Variants in SIX2 observed in about 807,000 individuals in gnomAD.
The protein encoded by SIX2 is SIX homeobox 2.
In SIX2, 20 loss-of-function variants were observed where a neutral mutation model predicts 22.8. The observed-to-expected ratio is 0.88, with a 90% confidence interval of 0.62 to 1.28. The LOEUF (loss-of-function observed/expected upper bound fraction) is 1.28, where lower values mean the gene tolerates loss of function less well. Among genes scored for constraint, SIX2 ranks in the 50% most tolerant of loss-of-function variants. SIX2 has a pLI of 0.00. For synonymous variants in SIX2, 195 were observed against 186.4 expected, an observed-to-expected ratio of 1.05 and a Z score of -0.37; for missense variants, 360 against 400.0, an observed-to-expected ratio of 0.90 and a Z score of 0.85.
rs938159059 is a variant in SIX2, at chr2:45,006,356, T to G, written c.690A>C (p.Ala230=). The G allele has an allele frequency of 6.2e-7, 1 of 1,614,122 alleles. No homozygotes were observed. Among genetic ancestry groups the G allele is most frequent in the Non-Finnish European group, 8.5e-7 (1 of 1,180,002 alleles). The change falls in exon 2 of 2, where the codon GCA becomes GCC. Residue 230 remains alanine (A), a synonymous_variant. Coordinates refer to ENST00000303077, the MANE Select transcript of SIX2 (RefSeq NM_016932.5). This position sits in a 1 kb window ranked among gnomAD's most constrained non-coding sequence, Gnocchi z 4.2. ...GTPDHSSSSP[A]LLLSPPPPGL... is the part of the protein sequence containing the mutation. ...CAGGGGGCGGCGGGCTGAGGAGCAG[T>G]GCGGGGCTGGATGATGAGTGGTCTG...
intron 1 of SIX2, among the ~76,000 whole-genome samples, chr2:45,008,316 G>C (rs1454728631): frequency 6.6e-6 from 1 of 152,258 alleles, no homozygotes; most frequent in Admixed American, 6.5e-5. Context: ...TCTAGCGACC[G>C]AGTAGTTAGT....
rs2103709989 is a variant in SIX2 at position 45,005,367 on chromosome 2, G to C, written c.*803C>G. 6.6e-6 allele frequency: 1 copy of C among 151,756 alleles called. No homozygotes were observed. The highest frequency in any genetic ancestry group is 1.9e-4 in the East Asian group (1 of 5,136). 9.4% of individuals were successfully genotyped at this position (151,756 alleles called of 1,614,324 possible). On this transcript the variant is annotated 3_prime_UTR_variant, in exon 2 of 2. Coordinates refer to ENST00000303077, the MANE Select transcript of SIX2 (RefSeq NM_016932.5). Reference sequence around the variant, plus strand: ...CGGGAGGAAGAGCGCGGTGTGGCGGGGCCTCGCCAAGAGAGAAGGAGGAGG... The same window carrying C: ...CGGGAGGAAGAGCGCGGTGTGGCGGCGCCTCGCCAAGAGAGAAGGAGGAGG...
Position 45,006,355 on chromosome 2 carries a change from G to C in SIX2, c.691C>G (p.Leu231Val), listed in dbSNP as rs757871683. 4 of 1,614,194 alleles carry C rather than the reference G, an allele frequency of 2.5e-6. No individual in the cohort carries two copies. Among genetic ancestry groups the C allele is most frequent in the Non-Finnish European group, 3.4e-6 (4 of 1,180,024 alleles). The change falls in exon 2 of 2, where the codon CTG becomes GTG. Residue 231 changes from leucine (L) to valine (V), a missense_variant. This residue lies in a region of SIX2 where 235 missense variants were observed against 231.9 expected (regional missense o/e 1.01). Coordinates refer to ENST00000303077, the MANE Select transcript of SIX2 (RefSeq NM_016932.5). This position sits in a 1 kb window ranked among gnomAD's most constrained non-coding sequence, Gnocchi z 4.2. ...CCAGGGGGCGGCGGGCTGAGGAGCAGTGCGGGGCTGGATGATGAGTGGTCT... is the reference window on the plus strand; with the variant it reads ...CCAGGGGGCGGCGGGCTGAGGAGCACTGCGGGGCTGGATGATGAGTGGTCT... ...TPDHSSSSPA[L>V]LLSPPPPGLP...
chr2:45,008,556 C>T lies in SIX2; in HGVS notation c.555G>A (p.Lys185=). The T allele has an allele frequency of 1.2e-6, 2 of 1,613,698 alleles. No individual in the cohort carries two copies. Among genetic ancestry groups the T allele is most frequent in the South Asian group, 2.2e-5 (2 of 91,088 alleles). The change falls in exon 1 of 2, where the codon AAG becomes AAA. Residue 185 remains lysine, a synonymous_variant. Transcript: ENST00000303077. ...RRQRDRAAEA[K]ERENNENSNS... Reference sequence around the variant, plus strand: ...GAAGGTCTACTTACTCGTACCTTTCCTTGGCCTCGGCCGCCCGGTCGCGCT... The same window carrying T: ...GAAGGTCTACTTACTCGTACCTTTCTTTGGCCTCGGCCGCCCGGTCGCGCT...
rs1374297673 is a variant in SIX2 at position 45,005,383 on chromosome 2, AAGGAGGAGGGGCGTATGACG to A, written c.*767_*786del. On this transcript the variant is annotated 3_prime_UTR_variant, in exon 2 of 2. Transcript: ENST00000303077. ...GTGTGGCGGGGCCTCGCCAAGAGAG[AAGGAGGAGGGGCGTATGACG>A]AGGCGGCGTTTAGGGGCTTCTGTGG... 1 of 149,904 alleles carries A rather than the reference AAGGAGGAGGGGCGTATGACG, an allele frequency of 6.7e-6. No individual in the cohort carries two copies. Among genetic ancestry groups the A allele is most frequent in the Non-Finnish European group, 1.5e-5 (1 of 67,340 alleles). 9.3% of individuals were successfully genotyped at this position (149,904 alleles called of 1,614,324 possible). A position where few individuals can be genotyped will look rare whatever the true frequency, so the allele number is the denominator to read the frequency against.
At position 45,005,293 on chromosome 2, in the gene SIX2, TC is replaced by T. The variant is rs1284764801; in HGVS notation, c.*876del. 6.6e-6 allele frequency: 1 copy of T among 152,202 alleles called. No homozygotes were observed. The highest frequency in any genetic ancestry group is 1.5e-5 in the Non-Finnish European group (1 of 68,020). 9.4% of individuals were successfully genotyped at this position (152,202 alleles called of 1,614,324 possible). A position where few individuals can be genotyped will look rare whatever the true frequency, so the allele number is the denominator to read the frequency against. ...GAGGGCATTACGGGGAGACGGCAAG[TC>T]GGCGGCTCGGGGGGCGCGCTCAGCC... is the stretch of plus-strand genomic sequence containing the variant. On this transcript the variant is annotated 3_prime_UTR_variant, in exon 2 of 2. Coordinates refer to ENST00000303077, the MANE Select transcript of SIX2 (RefSeq NM_016932.5).
chr2:45,007,939 G>A (rs1345681511), intron 1 of SIX2, among the ~76,000 whole-genome samples: 2 of 152,202 alleles, frequency 1.3e-5, no homozygotes, highest in East Asian at 1.9e-4. Flanking sequence ...GCAGAAAACA[G>A]GGCATGCGTC....
intron 1 of SIX2, among the ~76,000 whole-genome samples, chr2:45,007,496 C>A (rs758029399): frequency 3.7e-4 from 56 of 152,276 alleles, no homozygotes; most frequent in African/African-American, 1.3e-3. Context: ...GACCTCACCA[C>A]TGTGGAAACT....
At position 45,009,020 on chromosome 2, in the gene SIX2, C is replaced by T. The variant is rs1445356095; in HGVS notation, c.91G>A (p.Gly31Ser). 8 of 1,610,700 alleles carry T rather than the reference C, an allele frequency of 5.0e-6. No homozygotes were observed. The highest frequency in any genetic ancestry group is 5.9e-6 in the Non-Finnish European group (7 of 1,179,732). Reference sequence around the variant, plus strand: ...GCGGGCAGCGACCACAGGAAGCGGCCCAGCCGCTCGATGTTGCCGCCCTGC... The same window carrying T: ...GCGGGCAGCGACCACAGGAAGCGGCTCAGCCGCTCGATGTTGCCGCCCTGC... ...LQQGGNIERL[G>S]RFLWSLPACE... Residue 31 changes from glycine (G) to serine (S), a missense_variant, in exon 1 of 2, where the codon GGC becomes AGC. Physicochemically the swap from Gly to Ser is moderately conservative, Grantham distance 56 (BLOSUM62 0). This residue lies in a region of SIX2 where 118 missense variants were observed against 135.1 expected (regional missense o/e 0.87). Transcript: ENST00000303077.
In SIX2 at chr2:45,006,611, G is replaced by T; in HGVS notation, c.561-126C>A. 1 of 923,692 alleles carries T rather than the reference G, an allele frequency of 1.1e-6. No homozygotes were observed. Among genetic ancestry groups the T allele is most frequent in the Non-Finnish European group, 1.7e-6 (1 of 573,582 alleles). The allele number at this position is 923,692 out of a possible 1,614,324, so 57.2% of individuals were successfully genotyped here. A position where few individuals can be genotyped will look rare whatever the true frequency, so the allele number is the denominator to read the frequency against. ...GATCCCGGGCTTGTGGCCTGCGGGT[G>T]TTTTCGGTTTCTACCATTTCCTCGA... On this transcript the variant is annotated intron_variant, in intron 1 of 1. Coordinates refer to ENST00000303077, the MANE Select transcript of SIX2 (RefSeq NM_016932.5). The surrounding 1 kb of genome is among the most constrained non-coding windows in gnomAD (Gnocchi z 4.2).
At position 45,009,428 on chromosome 2, in the gene SIX2, C is replaced by G. The variant is rs911613497; in HGVS notation, c.-318G>C. The G allele has an allele frequency of 2.5e-5, 4 of 161,494 alleles. No homozygotes were observed. The highest frequency in any genetic ancestry group is 5.4e-5 in the Non-Finnish European group (4 of 73,976). 10.0% of individuals were successfully genotyped at this position (161,494 alleles called of 1,614,324 possible). On this transcript the variant is annotated 5_prime_UTR_variant, in exon 1 of 2. Coordinates refer to ENST00000303077, the MANE Select transcript of SIX2 (RefSeq NM_016932.5). ...CTCGCTTCTCACTCGTTCTCCCTCC[C>G]GTCTAGCTGGCTCTCAGCTTTCTTA...
intron 1 of SIX2, among the ~76,000 whole-genome samples, chr2:45,007,899 T>G (rs1375287400): frequency 2.6e-5 from 4 of 151,970 alleles, no homozygotes; most frequent in Non-Finnish European, 4.4e-5. Flanking sequence ...GGGCCTGGAG[T>G]GCCAGGGAAG....
chr2:45,006,036 G>C lies in SIX2; in HGVS notation c.*134C>G. On this transcript the variant is annotated 3_prime_UTR_variant, in exon 2 of 2. Transcript: ENST00000303077. This position sits in a 1 kb window ranked among gnomAD's most constrained non-coding sequence, Gnocchi z 4.2. ...ACATAGACAGCTATCTGCCCTACCCGGCTGTTCTACCCGCTCAGCCTGCGG... is the reference window on the plus strand; with the variant it reads ...ACATAGACAGCTATCTGCCCTACCCCGCTGTTCTACCCGCTCAGCCTGCGG... The C allele has an allele frequency of 1.1e-6, 1 of 914,206 alleles. No individual in the cohort carries two copies. Among genetic ancestry groups the C allele is most frequent in the Non-Finnish European group, 1.8e-6 (1 of 544,954 alleles). 56.6% of individuals were successfully genotyped at this position (914,206 alleles called of 1,614,324 possible).
Position 45,006,388 on chromosome 2 carries a change from C to G in SIX2, c.658G>C (p.Gly220Arg). 1 of 1,614,198 alleles carries G rather than the reference C, an allele frequency of 6.2e-7. No individual in the cohort carries two copies. The highest frequency in any genetic ancestry group is 1.3e-5 in the African/African-American group (1 of 75,066). ...GSSEDEKTPS[G>R]TPDHSSSSPA... ...CTGGATGATGAGTGGTCTGGCGTCC[C>G]CGATGGAGTCTTCTCATCCTCCGAG... The change falls in exon 2 of 2, where the codon GGG becomes CGG. Residue 220 changes from glycine to arginine, a missense_variant. Gly to Arg is a moderately radical substitution (Grantham distance 125). Coordinates refer to ENST00000303077, the MANE Select transcript of SIX2 (RefSeq NM_016932.5). This position sits in a 1 kb window ranked among gnomAD's most constrained non-coding sequence, Gnocchi z 4.2.
chr2:45,008,626 C>T lies in SIX2; in HGVS notation c.485G>A (p.Gly162Asp). 6.2e-7 allele frequency: 1 copy of T among 1,614,044 alleles called. No individual in the cohort carries two copies. Among genetic ancestry groups the T allele is most frequent in the Admixed American group, 1.7e-5 (1 of 60,034 alleles). The change falls in exon 1 of 2, where the codon GGC becomes GAC. Residue 162 changes from glycine (G) to aspartate (D), a missense_variant. Gly to Asp is a moderately conservative substitution (Grantham distance 94, BLOSUM62 -1). Transcript: ENST00000303077. ...REKRELAEAT[G>D]LTTTQVSNWF... is the part of the protein sequence containing the mutation. ...GTTGCTGACCTGTGTGGTGGTGAGG[C>T]CCGTGGCCTCCGCCAGCTCACGCTT...
In SIX2 at chr2:45,006,195, G is replaced by A. The variant is rs766259257; in HGVS notation, c.851C>T (p.Ala284Val). Residue 284 changes from alanine to valine, a missense_variant, in exon 2 of 2, where the codon GCC becomes GTC. Ala to Val is a moderately conservative substitution (Grantham distance 64). Coordinates refer to ENST00000303077, the MANE Select transcript of SIX2 (RefSeq NM_016932.5). The surrounding 1 kb of genome is among the most constrained non-coding windows in gnomAD (Gnocchi z 4.2). Reference sequence around the variant, plus strand: ...CTAGGAGCCCAGGTCCACGAGGTTGGCTGACATGGGGTTGAGGATGGAGTC... The same window carrying A: ...CTAGGAGCCCAGGTCCACGAGGTTGACTGACATGGGGTTGAGGATGGAGTC... ...LQDSILNPMS[A>V]NLVDLGS is the part of the protein sequence containing the mutation. 2.4e-5 allele frequency: 38 copies of A among 1,614,122 alleles called. No individual in the cohort carries two copies. In the South Asian group the frequency reaches 3.4e-4, roughly 14 times the overall value.
At chr2:45,007,992 A>G (rs1197611533) in intron 1 of SIX2, among the ~76,000 whole-genome samples, 3 of 152,148 alleles carry the variant, frequency 2.0e-5, no homozygotes, top group South Asian at 4.1e-4. Flanking sequence ...TCACCTCTGG[A>G]TCCTTTCTAA....
At position 45,009,137 on chromosome 2, in the gene SIX2, G is replaced by GCCGTTCCCT. The variant is rs1667826377; in HGVS notation, c.-28_-27insAGGGAACGG. ...GTGCCGGCTGCGTCCCCGCCCGCCCGCGCGCGCCCTCACCGGGCCGCGCGG... is the reference window on the plus strand; with the variant it reads ...GTGCCGGCTGCGTCCCCGCCCGCCCGCCGTTCCCTCGCGCGCCCTCACCGGGCCGCGCGG... On this transcript the variant is annotated 5_prime_UTR_variant, in exon 1 of 2. Transcript: ENST00000303077. 1 of 1,521,538 alleles carries GCCGTTCCCT rather than the reference G, an allele frequency of 6.6e-7. No individual in the cohort carries two copies. 94.3% of individuals were successfully genotyped at this position (1,521,538 alleles called of 1,614,324 possible).
chr2:45,007,655 T>C (rs931020534), intron 1 of SIX2, among the ~76,000 whole-genome samples: 15 of 152,274 alleles, frequency 9.9e-5, no homozygotes, highest in Admixed American at 2.6e-4. Flanking sequence ...GTGTCCTGTT[T>C]TGCTCTTACC....
Sources: allele counts gnomAD v4.1 joint callset (sites outside exome capture counted in the v4.1 genomes callset), GRCh38; gene constraint gnomAD v4.1.1; regional missense constraint gnomAD v4.1.1; non-coding constraint Gnocchi (gnomAD v3.1); transcripts MANE v1.5; gene names NCBI Gene and HGNC (gene_info 2026-07-23, HGNC 2026-07-21).